The following TSEN15 variants were observed in gnomAD, a reference collection of about 807,000 sequenced individuals.
The protein encoded by TSEN15 is tRNA-splicing endonuclease subunit Sen15.
In TSEN15, 10 loss-of-function variants were observed where a neutral mutation model predicts 20.5. The observed-to-expected ratio is 0.49, with a 90% confidence interval of 0.30 to 0.83. TSEN15 has a LOEUF of 0.83. Ranked by LOEUF, TSEN15 falls within the 40% of genes least tolerant of loss-of-function variation. The pLI, the probability that TSEN15 is intolerant of heterozygous loss-of-function variation, is 0.06. For missense variants in TSEN15, 180 were observed against 218.6 expected (o/e 0.82, Z 1.11); for synonymous variants, 72 against 80.1 (o/e 0.90, Z 0.54).
downstream of TSEN15, among the ~76,000 whole-genome samples, chr1:184,078,995 A>G (rs1354400042): frequency 6.6e-6 from 1 of 152,090 alleles, no homozygotes; most frequent in Non-Finnish European, 1.5e-5. Flanking sequence ...TCTATACAGA[A>G]GCTCTTTATT....
downstream of TSEN15, among the ~76,000 whole-genome samples, chr1:184,076,254 A>T (rs1651060275): frequency 6.6e-6 from 1 of 152,012 alleles, no homozygotes; most frequent in Admixed American, 6.6e-5. Flanking sequence ...AATTCTTGCG[A>T]TATTTTAAAC....
chr1:184,054,278 A>G (rs1650160095), intron 1 of TSEN15, 76 bp from the exon 2 acceptor site: 3 of 914,786 alleles, frequency 3.3e-6, no homozygotes, highest in Admixed American at 2.1e-5. Flanking sequence ...TATATGCTTG[A>G]TGACCACTTG....
At chr1:184,086,911 T>C (rs1651271813) in intron 3 of TSEN15, among the ~76,000 whole-genome samples, 1 of 152,168 alleles carries the variant, frequency 6.6e-6, no homozygotes, top group African/African-American at 2.4e-5. Context: ...CAAGTTTACC[T>C]TTTGAAAGGG....
downstream of TSEN15, among the ~76,000 whole-genome samples, chr1:184,077,536 AC>A (rs753714019): frequency 3.1e-4 from 47 of 152,176 alleles, no homozygotes; most frequent in Admixed American, 1.2e-3. Context: ...CTTAAGAAAT[AC>A]ATTTTGTAAG....
chr1:184,055,617 TAA>T (rs1331679222), intron 3 of TSEN15, among the ~76,000 whole-genome samples: 2 of 152,176 alleles, frequency 1.3e-5, no homozygotes, highest in East Asian at 3.8e-4. Flanking sequence ...AAAGCATGAT[TAA>T]CATGCAAGCT....
intron 3 of TSEN15, among the ~76,000 whole-genome samples, chr1:184,071,709 G>T (rs2102894610): frequency 6.6e-6 from 1 of 152,072 alleles, no homozygotes; most frequent in South Asian, 2.1e-4. Context: ...TGATAAAGGA[G>T]GGTGAGAGGA....
intron 3 of TSEN15, among the ~76,000 whole-genome samples, chr1:184,060,998 A>C (rs1216274445): frequency 1.3e-5 from 2 of 152,072 alleles, no homozygotes; most frequent in Non-Finnish European, 2.9e-5. Context: ...TCCCAATCAT[A>C]ATCTTTCTTC....
downstream of TSEN15, among the ~76,000 whole-genome samples, chr1:184,077,073 T>C (rs1456646073): frequency 5.3e-5 from 8 of 152,142 alleles, no homozygotes; most frequent in Admixed American, 4.6e-4. Flanking sequence ...GACGGCCTTA[T>C]ATTGGAAGAA....
intron 3 of TSEN15, among the ~76,000 whole-genome samples, chr1:184,086,653 GT>G (rs1651267057): frequency 1.3e-5 from 2 of 152,266 alleles, no homozygotes; most frequent in Admixed American, 6.5e-5. Flanking sequence ...TTCTTGCCAT[GT>G]GGATCTCTCT....
intron 3 of TSEN15, chr1:184,070,817 A>G: frequency 2.4e-6 from 1 of 420,446 alleles, no homozygotes. Flanking sequence ...ATAAGAATCT[A>G]GCTAGTTGTA....
At chr1:184,060,800 TAG>T (rs1239584077) in intron 3 of TSEN15, among the ~76,000 whole-genome samples, 1 of 152,204 alleles carries the variant, frequency 6.6e-6, no homozygotes, top group African/African-American at 2.4e-5. Context: ...TCACAGCTAT[TAG>T]AGTTTCTCTT....
chr1:184,059,514 C>T (rs1217068570), intron 3 of TSEN15, among the ~76,000 whole-genome samples: 2 of 152,048 alleles, frequency 1.3e-5, no homozygotes, highest in Non-Finnish European at 2.9e-5. Flanking sequence ...CTTGTGAGTA[C>T]CTCCTTGTAC....
At chr1:184,065,423 T>G (rs1172185082) in intron 3 of TSEN15, among the ~76,000 whole-genome samples, 2 of 152,230 alleles carry the variant, frequency 1.3e-5, no homozygotes, top group East Asian at 3.9e-4. Context: ...TGCACAATTC[T>G]GTGGATTTTG....
At chr1:184,085,211 G>A (rs962731575) in intron 3 of TSEN15, among the ~76,000 whole-genome samples, 1 of 152,170 alleles carries the variant, frequency 6.6e-6, no homozygotes, top group Admixed American at 6.6e-5. Context: ...AAGGGGGAAT[G>A]TTCAGGGTGC....
intron 3 of TSEN15, chr1:184,095,301 C>T (rs556447026): frequency 4.6e-5 from 18 of 393,790 alleles, no homozygotes; most frequent in African/African-American, 1.6e-4. Context: ...AGAGCAACAC[C>T]GCTAACAACT....
intron 3 of TSEN15, among the ~76,000 whole-genome samples, chr1:184,069,830 A>C (rs1276352227): frequency 6.6e-6 from 1 of 152,048 alleles, no homozygotes; most frequent in Non-Finnish European, 1.5e-5. Context: ...GATCCTGAAC[A>C]AGAAACTGTA....
chr1:184,054,282 C>T, intron 1 of TSEN15, 72 bp from the exon 2 acceptor site: 2 of 948,996 alleles, frequency 2.1e-6, no homozygotes, highest in Admixed American at 2.0e-5. Flanking sequence ...TGCTTGATGA[C>T]CACTTGATGA....
chr1:184,052,055 T>C (rs1021407760), intron 1 of TSEN15, among the ~76,000 whole-genome samples, 165 bp downstream of exon 1: 6 of 152,206 alleles, frequency 3.9e-5, no homozygotes, highest in African/African-American at 1.4e-4. Context: ...CAGCATCGGT[T>C]TTGTTTGTTT....
intron 3 of TSEN15, among the ~76,000 whole-genome samples, chr1:184,081,817 G>A (rs530565905): frequency 5.5e-4 from 84 of 152,150 alleles, no homozygotes; most frequent in Admixed American, 1.8e-3. Flanking sequence ...TCATGGCTCG[G>A]GTTCTGGAGA....
Sources: gnomAD v4.1 joint callset for allele counts (sites outside exome capture counted in the v4.1 genomes callset) on GRCh38, gnomAD v4.1.1 for gene constraint, MANE v1.5 for transcripts, NCBI Gene and HGNC (gene_info 2026-07-23, HGNC 2026-07-21) for gene names.